The following SLC8A2 variants were observed in gnomAD, a reference collection of about 807,000 sequenced individuals.
The protein encoded by SLC8A2 is solute carrier family 8 member A2.
Under a neutral mutation model 70.2 loss-of-function variants are expected in SLC8A2, and 14 were observed. That is an observed-to-expected ratio of 0.20 (90% CI 0.13 to 0.31). SLC8A2 has a LOEUF of 0.31. SLC8A2 is among the 10% of genes least tolerant of loss of function. SLC8A2 has a pLI of 1.00. For missense variants in SLC8A2, 779 were observed against 1,320.1 expected (o/e 0.59, Z 6.35); for synonymous variants, 575 against 594.3 (o/e 0.97, Z 0.47).
At chr19:47,461,366 A>G (rs1967392687) in intron 2 of SLC8A2, among the ~76,000 whole-genome samples, 1 of 147,054 alleles carries the variant, frequency 6.8e-6, no homozygotes, top group South Asian at 2.2e-4. Flanking sequence ...AAAATCAGCC[A>G]GGTGTGGTGG....
rs755618627 is a variant in SLC8A2 at position 47,437,578 on chromosome 19, G to A, written c.2011-17C>T. ...CACCGTGTTCTGGGGATGAGAGGGT[G>A]GGGGAGAGGTCACTGCCCCTGAGCG... On this transcript the variant is annotated splice_polypyrimidine_tract_variant and intron_variant, in intron 7 of 9. Coordinates refer to ENST00000236877, the MANE Select transcript of SLC8A2 (RefSeq NM_015063.3). The A allele has an allele frequency of 2.3e-5, 37 of 1,586,838 alleles. No homozygotes were observed. The highest frequency in any genetic ancestry group is 2.9e-5 in the Non-Finnish European group (33 of 1,155,296).
intron 6 of SLC8A2, among the ~76,000 whole-genome samples, chr19:47,439,000 TGGGCGTGGCCACG>T (rs1422098236): frequency 6.6e-6 from 1 of 152,168 alleles, no homozygotes; most frequent in African/African-American, 2.4e-5. Flanking sequence ...CCCTTGCAGC[TGGGCGTGGCCACG>T]GCCTGAGTTA....
intron 3 of SLC8A2, among the ~76,000 whole-genome samples, chr19:47,453,807 C>A (rs1267866819): frequency 1.3e-5 from 2 of 152,164 alleles, no homozygotes; most frequent in African/African-American, 4.8e-5. Flanking sequence ...TGCCTGTAGT[C>A]CCAGCTATAT....
chr19:47,434,296 G>T (rs1027578651), intron 8 of SLC8A2, among the ~76,000 whole-genome samples: 10 of 152,156 alleles, frequency 6.6e-5, no homozygotes, highest in African/African-American at 2.4e-4. Flanking sequence ...ACATGCCTAG[G>T]CTTGGCATTC....
At chr19:47,463,865 C>G (rs1348629739) in intron 2 of SLC8A2, among the ~76,000 whole-genome samples, 1 of 151,982 alleles carries the variant, frequency 6.6e-6, no homozygotes, top group African/African-American at 2.4e-5. Flanking sequence ...TCATGGTAGC[C>G]CTATGAAGTC....
intron 4 of SLC8A2, among the ~76,000 whole-genome samples, chr19:47,446,431 T>G: frequency 6.6e-6 from 1 of 151,872 alleles, no homozygotes; most frequent in Admixed American, 6.5e-5. Context: ...TGTCTGCGTG[T>G]TTTTTTTCTT....
intron 6 of SLC8A2, among the ~76,000 whole-genome samples, chr19:47,439,187 A>G (rs1048633123): frequency 2.0e-5 from 3 of 152,214 alleles, no homozygotes; most frequent in Non-Finnish European, 4.4e-5. Context: ...TGGAATGGCC[A>G]CATGGCAGAA....
rs1967182822 is a variant in SLC8A2, at chr19:47,447,675, C to T, written c.1763+134G>A. The T allele has an allele frequency of 3.2e-6, 3 of 949,722 alleles. No individual in the cohort carries two copies. Among genetic ancestry groups the T allele is most frequent in the Middle Eastern group, 3.4e-4 (1 of 2,950 alleles). 58.8% of individuals were successfully genotyped at this position (949,722 alleles called of 1,614,324 possible). The stretch of plus-strand genomic sequence containing the variant: ...CGTTGCGGGCACGGCCACGCAGGCC[C>T]CTCCCCTCCCGAGGCCCAACCAAGA... On this transcript the variant is annotated intron_variant, in intron 4 of 9. Transcript: ENST00000236877. The surrounding 1 kb of genome is among the most constrained non-coding windows in gnomAD (Gnocchi z 5.1).
intron 8 of SLC8A2, among the ~76,000 whole-genome samples, chr19:47,433,679 T>C (rs971872233): frequency 6.6e-6 from 1 of 151,214 alleles, no homozygotes; most frequent in African/African-American, 2.4e-5. Flanking sequence ...AGACAGAGCC[T>C]CCCTCCGTTA....
chr19:47,449,627 AAG>A (rs1184591124), intron 3 of SLC8A2, among the ~76,000 whole-genome samples: 1 of 152,132 alleles, frequency 6.6e-6, no homozygotes, highest in African/African-American at 2.4e-5. Flanking sequence ...CCTGGCCAAA[AAG>A]AGTATTTTTG....
chr19:47,463,225 C>T (rs1380359414), intron 2 of SLC8A2, among the ~76,000 whole-genome samples: 1 of 151,836 alleles, frequency 6.6e-6, no homozygotes, highest in African/African-American at 2.4e-5. Flanking sequence ...CTCCGCCTCC[C>T]GGGTTCACGC....
Position 47,466,918 on chromosome 19 carries a change from A to G in SLC8A2, c.-16-499T>C, listed in dbSNP as rs1374377885. 6.6e-6 allele frequency among the ~76,000 whole-genome samples: 1 copy of G among 152,106 alleles called. No homozygotes were observed. Among genetic ancestry groups the G allele is most frequent in the Admixed American group, 6.6e-5 (1 of 15,256 alleles). ...CTAAAAATACAAAAATTAGCTGGGC[A>G]GGGTGGCGGGAGCCTGTAACCCCAG... On this transcript the variant is annotated intron_variant, in intron 1 of 9. Coordinates refer to ENST00000236877, the MANE Select transcript of SLC8A2 (RefSeq NM_015063.3). The surrounding 1 kb of genome is among the most constrained non-coding windows in gnomAD (Gnocchi z 6.9).
In SLC8A2 at chr19:47,466,235, C is replaced by T. The variant is rs1262697439; in HGVS notation, c.169G>A (p.Val57Met). ...AGCGACGGGTCGTCGGGCTCCCACA[C>T]GGGCAGCAGCACCCCCGGCTGGCAG... is the stretch of plus-strand genomic sequence containing the variant. ...YRCQPGVLLPVWEPDDPSLGD... is the reference protein window; with the variant it reads ...YRCQPGVLLPMWEPDDPSLGD... Residue 57 changes from valine to methionine, a missense_variant, in exon 2 of 10, where the codon GTG (valine) becomes ATG (methionine). Val to Met is a conservative substitution (Grantham distance 21). Around this residue, in one of 6 missense-constraint regions of SLC8A2, gnomAD observed 155 missense variants for 318.6 expected, o/e 0.49. Transcript: ENST00000236877. The surrounding 1 kb of genome is among the most constrained non-coding windows in gnomAD (Gnocchi z 6.9). 9 of 1,605,114 alleles carry T rather than the reference C, an allele frequency of 5.6e-6. No homozygotes were observed. The highest frequency in any genetic ancestry group is 1.7e-5 in the Admixed American group (1 of 59,616).
chr19:47,439,487 C>T (rs11881944), intron 6 of SLC8A2, among the ~76,000 whole-genome samples: 12,156 of 151,958 alleles, frequency 0.08, 877 homozygotes, highest in African/African-American at 0.2. Flanking sequence ...GAGCCGAGAT[C>T]GCACCATTGC....
intron 8 of SLC8A2, among the ~76,000 whole-genome samples, chr19:47,434,693 A>G (rs934332195): frequency 3.9e-5 from 6 of 152,134 alleles, no homozygotes; most frequent in African/African-American, 1.4e-4. Context: ...AGGAAGTACA[A>G]AAGCTCTGCG....
At chr19:47,469,105 A>G (rs1465419408) in intron 1 of SLC8A2, among the ~76,000 whole-genome samples, 1 of 146,542 alleles carries the variant, frequency 6.8e-6, no homozygotes, top group Non-Finnish European at 1.5e-5. Flanking sequence ...GCAAGCGAGG[A>G]GCATGCCTGT....
rs890663280 is a variant in SLC8A2, at chr19:47,455,468, C to T, written c.1340+1462G>A. On this transcript the variant is annotated intron_variant, in intron 3 of 9. Coordinates refer to ENST00000236877, the MANE Select transcript of SLC8A2 (RefSeq NM_015063.3). The stretch of plus-strand genomic sequence containing the variant: ...TGTCTTTCCCAGGAGAATGTCAGCT[C>T]CATTTGGGCCGGGACTTTATGAGTT... Among the ~76,000 whole-genome samples the T allele has an allele frequency of 2.0e-5, 3 of 152,176 alleles. No homozygotes were observed. In the East Asian group the frequency reaches 5.8e-4, roughly 29 times the overall value.
rs945938705 is a variant in SLC8A2, at chr19:47,448,654, G to C, written c.1341-423C>G. Among the ~76,000 whole-genome samples the C allele has an allele frequency of 1.3e-5, 2 of 152,142 alleles. No individual in the cohort carries two copies. The highest frequency in any genetic ancestry group is 4.8e-5 in the African/African-American group (2 of 41,430). On this transcript the variant is annotated intron_variant, in intron 3 of 9. Coordinates refer to ENST00000236877, the MANE Select transcript of SLC8A2 (RefSeq NM_015063.3). The surrounding 1 kb of genome is among the most constrained non-coding windows in gnomAD (Gnocchi z 4.8). ...GCTTCTCAAACCTTAATATGCATATGAATCCCCTGGTGGAGCTTGTGAAAA... is the reference window on the plus strand; with the variant it reads ...GCTTCTCAAACCTTAATATGCATATCAATCCCCTGGTGGAGCTTGTGAAAA...
At chr19:47,471,051 C>A (rs1452855747) in intron 1 of SLC8A2, among the ~76,000 whole-genome samples, 5 of 147,606 alleles carry the variant, frequency 3.4e-5, no homozygotes, top group African/African-American at 1.3e-4. Context: ...CCAGGGAGAG[C>A]CAGAGAAGAG....
Sources: allele counts gnomAD v4.1 joint callset (sites outside exome capture counted in the v4.1 genomes callset), GRCh38; gene constraint gnomAD v4.1.1; regional missense constraint gnomAD v4.1.1; non-coding constraint Gnocchi (gnomAD v3.1); transcripts MANE v1.5; gene names NCBI Gene and HGNC (gene_info 2026-07-23, HGNC 2026-07-21).